The following BPI variants were observed in gnomAD, a reference collection of about 807,000 sequenced individuals.
BPI encodes bactericidal permeability increasing protein.
In BPI, 48 loss-of-function variants were observed where a neutral mutation model predicts 57.6. That is an observed-to-expected ratio of 0.83 (90% confidence interval 0.66 to 1.06). BPI has a LOEUF of 1.06. Among genes scored for constraint, BPI ranks in the 50% least tolerant of loss-of-function variants. The pLI is 0.00. For synonymous variants in BPI, 237 were observed against 238.2 expected (o/e 0.99, Z 0.05); for missense variants, 651 against 609.7 (o/e 1.07, Z -0.71).
chr20:38,318,468 C>T lies in BPI; in HGVS notation c.656C>T (p.Thr219Ile). 1.9e-6 allele frequency: 3 copies of T among 1,613,446 alleles called. No individual in the cohort carries two copies. The highest frequency in any genetic ancestry group is 1.3e-5 in the African/African-American group (1 of 75,022). The change falls in exon 6 of 15, where the codon ACT becomes ATT. Residue 219 changes from threonine to isoleucine, a missense_variant. Coordinates refer to ENST00000642449, the MANE Select transcript of BPI (RefSeq NM_001725.3). ...TCCGAGCTGCAACCTTATTTCCAGA[C>T]TCTGCCAGGTGAGGGCTGGATGAAG... is the stretch of plus-strand genomic sequence containing the variant. ...VSSELQPYFQ[T>I]LPVMTKIDSV...
intron 3 of BPI, among the ~76,000 whole-genome samples, chr20:38,309,358 A>G (rs886239843): frequency 2.6e-5 from 4 of 152,206 alleles, no homozygotes; most frequent in African/African-American, 9.7e-5. Context: ...TTGCTGTGTA[A>G]CAAACCATCC....
chr20:38,324,632 T>C (rs2076702791), intron 8 of BPI, 142 bp from the exon 9 acceptor site: 2 of 661,448 alleles, frequency 3.0e-6, no homozygotes, highest in Non-Finnish European at 5.4e-6. Flanking sequence ...CTGCAGAATT[T>C]GTGGGTCAGT....
chr20:38,320,184 A>G lies in BPI; in HGVS notation c.666A>G (p.Val222=). 6.2e-7 allele frequency: 1 copy of G among 1,613,768 alleles called. No individual in the cohort carries two copies. Among genetic ancestry groups the G allele is most frequent in the South Asian group, 1.1e-5 (1 of 91,060 alleles). ...ELQPYFQTLP[V]MTKIDSVAGI... is the part of the protein sequence containing the mutation. Reference sequence around the variant, plus strand: ...ATGGTCCATTTTCTTTCTCTCTAGTAATGACCAAAATAGATTCTGTGGCTG... The same window carrying G: ...ATGGTCCATTTTCTTTCTCTCTAGTGATGACCAAAATAGATTCTGTGGCTG... The change falls in exon 7 of 15, where the codon GTA becomes GTG. Residue 222 remains valine, a splice_region_variant and synonymous_variant. Transcript: ENST00000642449.
intron 5 of BPI, among the ~76,000 whole-genome samples, chr20:38,317,287 T>C (rs1027847372): frequency 6.6e-6 from 1 of 152,202 alleles, no homozygotes; most frequent in African/African-American, 2.4e-5. Flanking sequence ...AAATTTGGTA[T>C]CATAAAACAA....
chr20:38,335,519 C>A, intron 13 of BPI, 79 bp from the exon 14 acceptor site: 1 of 1,331,696 alleles, frequency 7.5e-7, no homozygotes, highest in Non-Finnish European at 1.1e-6. Flanking sequence ...AGGCTGTCTA[C>A]CCAGGCTCTC....
chr20:38,309,092 C>T, intron 3 of BPI, 34 bp downstream of exon 3: 2 of 1,613,366 alleles, frequency 1.2e-6, no homozygotes, highest in Non-Finnish European at 1.7e-6. Context: ...GTTGGGTGTG[C>T]TCTTGGTGAT....
intron 5 of BPI, among the ~76,000 whole-genome samples, chr20:38,313,415 G>T (rs1376017890): frequency 1.4e-5 from 2 of 140,904 alleles, no homozygotes; most frequent in African/African-American, 2.6e-5. Flanking sequence ...AAAAAAAAAG[G>T]GTAGGGGGGA....
intron 1 of BPI, among the ~76,000 whole-genome samples, 159 bp downstream of exon 1, chr20:38,304,512 G>A (rs999285743): frequency 1.1e-4 from 17 of 152,318 alleles, no homozygotes; most frequent in African/African-American, 3.8e-4. Context: ...GAGGCAAAGC[G>A]AGTTGCCTAA....
chr20:38,311,880 G>A lies in BPI; in HGVS notation c.543G>A (p.Leu181=), dbSNP rs1246336232. The part of the protein sequence containing the change: ...VHISKSKVGW[L]IQLFHKKIES... ...CCTACTTGTTCATCTCTAGGTGGCT[G>A]ATCCAACTCTTCCACAAAAAAATTG... The change falls in exon 5 of 15, where the codon CTG becomes CTA. Residue 181 remains leucine, a synonymous_variant. Transcript: ENST00000642449. 3.1e-6 allele frequency: 5 copies of A among 1,614,012 alleles called. No homozygotes were observed. Among genetic ancestry groups the A allele is most frequent in the East Asian group, 2.2e-5 (1 of 44,880 alleles).
At chr20:38,326,587 G>T in intron 10 of BPI, 155 bp downstream of exon 10, 1 of 861,504 alleles carries the variant, frequency 1.2e-6, no homozygotes, top group Non-Finnish European at 1.7e-6. Context: ...CAATGGTGCC[G>T]ACTCCTGGAG....
chr20:38,323,977 C>T lies in BPI; in HGVS notation c.864C>T (p.Tyr288=). ...DRMVYLGLSD[Y]FFNTAGLVYQ... ...TGGTATACCTGGGCCTCTCAGACTA[C>T]TTCTTCAACACAGCCGGGCTTGTAT... Residue 288 remains tyrosine, a synonymous_variant, in exon 8 of 15, where the codon TAC becomes TAT. Coordinates refer to ENST00000642449, the MANE Select transcript of BPI (RefSeq NM_001725.3). The T allele has an allele frequency of 6.2e-7, 1 of 1,614,178 alleles. No homozygotes were observed. Among genetic ancestry groups the T allele is most frequent in the Admixed American group, 1.7e-5 (1 of 60,030 alleles).
At chr20:38,335,214 C>T (rs2076761528) in intron 13 of BPI, among the ~76,000 whole-genome samples, 1 of 152,148 alleles carries the variant, frequency 6.6e-6, no homozygotes, top group South Asian at 2.1e-4. Flanking sequence ...TGGCCACTGT[C>T]CACCTCTGGC....
intron 8 of BPI, 60 bp from the exon 9 acceptor site, chr20:38,324,714 C>A (rs2122543762): frequency 7.1e-7 from 1 of 1,399,884 alleles, no homozygotes; most frequent in Admixed American, 1.7e-5. Context: ...ACAGAACTCA[C>A]CCCCTCTGCT....
chr20:38,336,654 G>A (rs1322541190), intron 14 of BPI, among the ~76,000 whole-genome samples: 1 of 152,068 alleles, frequency 6.6e-6, no homozygotes, highest in East Asian at 1.9e-4. Context: ...GCTAATTAAT[G>A]GGGCTGAGAG....
At chr20:38,319,171 G>T (rs1271830863) in intron 6 of BPI, among the ~76,000 whole-genome samples, 4 of 152,174 alleles carry the variant, frequency 2.6e-5, no homozygotes, top group Non-Finnish European at 5.9e-5. Context: ...GGAGGCGGAG[G>T]TTGCAGTGAG....
chr20:38,325,367 G>C (rs991018691), intron 9 of BPI, among the ~76,000 whole-genome samples: 1 of 152,160 alleles, frequency 6.6e-6, no homozygotes, highest in East Asian at 1.9e-4. Flanking sequence ...CATAGCTCTC[G>C]AGACTGGAAG....
chr20:38,316,516 C>T (rs1480223155), intron 5 of BPI, among the ~76,000 whole-genome samples: 1 of 152,194 alleles, frequency 6.6e-6, no homozygotes, highest in East Asian at 1.9e-4. Context: ...GGTGACTCCG[C>T]CTGGGATCCC....
chr20:38,337,307 G>T lies in BPI; in HGVS notation c.*123G>T. ...CCAAGAGCCCCTTGCAAACTTCTTCGACTCAGATTCAGAAATGATCTAAAC... is the reference window on the plus strand; with the variant it reads ...CCAAGAGCCCCTTGCAAACTTCTTCTACTCAGATTCAGAAATGATCTAAAC... On this transcript the variant is annotated 3_prime_UTR_variant, in exon 15 of 15. Transcript: ENST00000642449. 4 of 780,702 alleles carry T rather than the reference G, an allele frequency of 5.1e-6. No homozygotes were observed. Among genetic ancestry groups the T allele is most frequent in the South Asian group, 1.8e-5 (1 of 55,652 alleles). 48.4% of individuals were successfully genotyped at this position (780,702 alleles called of 1,614,324 possible).
At chr20:38,322,493 G>A (rs1313376522) in intron 7 of BPI, among the ~76,000 whole-genome samples, 2 of 152,170 alleles carry the variant, frequency 1.3e-5, no homozygotes, top group Non-Finnish European at 2.9e-5. Flanking sequence ...AAATGCATAA[G>A]AAAATCCATC....
Sources: allele counts gnomAD v4.1 joint callset (sites outside exome capture counted in the v4.1 genomes callset), GRCh38; gene constraint gnomAD v4.1.1; transcripts MANE v1.5; gene names NCBI Gene and HGNC (gene_info 2026-07-23, HGNC 2026-07-21).